Variants in CLCN7 observed in about 807,000 individuals in gnomAD.
The protein encoded by CLCN7 is H(+)/Cl(-) exchange transporter 7.
CLCN7 carries 60 observed loss-of-function variants against 102.1 expected under a neutral mutation model. That is an observed-to-expected ratio of 0.59 (90% CI 0.48 to 0.73). The LOEUF (loss-of-function observed/expected upper bound fraction) is 0.73. CLCN7 is among the 30% of genes least tolerant of loss of function. The pLI, the probability that CLCN7 is intolerant of heterozygous loss-of-function variation, is 0.00. For synonymous variants in CLCN7, 560 were observed against 490.5 expected (o/e 1.14, Z -1.87); for missense variants, 962 against 1,125.7 (o/e 0.85, Z 2.08).
chr16:1,459,136 C>A lies in CLCN7; in HGVS notation c.646G>T (p.Val216Leu). 1 of 1,613,136 alleles carries A rather than the reference C, an allele frequency of 6.2e-7. No individual in the cohort carries two copies. Among genetic ancestry groups the A allele is most frequent in the Non-Finnish European group, 8.5e-7 (1 of 1,179,772 alleles). ...IPQIKCFLNGVKIPHVVRLKT... is the reference protein window; with the variant it reads ...IPQIKCFLNGLKIPHVVRLKT... ...AGCCGCACCACGTGGGGGATCTTCA[C>A]CCCGTTGAGGAAGCACTTGATCTGG... The change falls in exon 7 of 25, where the codon GTG (valine) becomes TTG (leucine). Residue 216 changes from valine to leucine, a missense_variant. Val to Leu is a conservative substitution (Grantham distance 32). Around this residue, in one of 2 missense-constraint regions of CLCN7, gnomAD observed 799 missense variants for 988.0 expected, o/e 0.81. Coordinates refer to ENST00000382745, the MANE Select transcript of CLCN7 (RefSeq NM_001287.6).
At chr16:1,469,896 C>T (rs961421589) in intron 1 of CLCN7, among the ~76,000 whole-genome samples, 7 of 152,236 alleles carry the variant, frequency 4.6e-5, no homozygotes, top group Non-Finnish European at 7.3e-5. Flanking sequence ...GGAATGACCA[C>T]CGACCCGTGC....
At chr16:1,463,146 G>A (rs2038962039) in intron 2 of CLCN7, among the ~76,000 whole-genome samples, 1 of 152,090 alleles carries the variant, frequency 6.6e-6, no homozygotes, top group Non-Finnish European at 1.5e-5. Context: ...GAGAGAGAGA[G>A]AGGGAGGGTA....
Position 1,450,560 on chromosome 16 carries a change from C to T in CLCN7, c.1554G>A (p.Leu518=), listed in dbSNP as rs537692262. Residue 518 remains leucine (L), a synonymous_variant, in exon 17 of 25, where the codon CTG becomes CTA. Transcript: ENST00000382745. ...GCCGGCCCCAGGCAGCCCCGATGAG[C>T]AGGGACGGGATGAAGACCCCGGCAG... ...TVSAGVFIPS[L]LIGAAWGRLF... is the part of the protein sequence containing the mutation. 2 of 1,612,086 alleles carry T rather than the reference C, an allele frequency of 1.2e-6. No individual in the cohort carries two copies. Among genetic ancestry groups the T allele is most frequent in the Admixed American group, 3.3e-5 (2 of 59,908 alleles).
At position 1,474,990 on chromosome 16, in the gene CLCN7, G is replaced by C; in HGVS notation, c.-16C>G. On this transcript the variant is annotated 5_prime_UTR_variant, in exon 1 of 25. Transcript: ENST00000382745. ...CGTTGGCCATGGCCCGCCGCGGAGC[G>C]ACACCGGCCGGGAAGCGCCGGCTGC... 1.4e-6 allele frequency: 2 copies of C among 1,465,556 alleles called. No homozygotes were observed. Among genetic ancestry groups the C allele is most frequent in the Non-Finnish European group, 1.8e-6 (2 of 1,110,194 alleles). 90.8% of individuals were successfully genotyped at this position (1,465,556 alleles called of 1,614,324 possible). A position where few individuals can be genotyped will look rare whatever the true frequency, so the allele number is the denominator to read the frequency against.
In CLCN7 at chr16:1,463,755, G is replaced by A. The variant is rs528902295; in HGVS notation, c.213+1512C>T. 2.0e-5 allele frequency among the ~76,000 whole-genome samples: 3 copies of A among 146,614 alleles called. No individual in the cohort carries two copies. In the East Asian group the frequency reaches 5.9e-4, roughly 29 times the overall value. ...CCCAAAGTGTTGGGATTACAGGTGT[G>A]AACCACCACACCTGCCCAGAAAAAA... On this transcript the variant is annotated intron_variant, in intron 2 of 24. Transcript: ENST00000382745.
chr16:1,448,341 G>A lies in CLCN7; in HGVS notation c.2013+14C>T, dbSNP rs1567264028. 1.2e-6 allele frequency: 2 copies of A among 1,612,506 alleles called. No individual in the cohort carries two copies. The highest frequency in any genetic ancestry group is 1.7e-6 in the Non-Finnish European group (2 of 1,179,914). On this transcript the variant is annotated intron_variant, in intron 21 of 24. Transcript: ENST00000382745. ...GTCACATAGGCAGGACCCTGTCTAT[G>A]GGGTGCCCGGTACCTGGGTGTCATC...
intron 16 of CLCN7, among the ~76,000 whole-genome samples, chr16:1,450,961 T>TAC (rs1195231261): frequency 1.3e-5 from 2 of 152,340 alleles, no homozygotes; most frequent in South Asian, 2.1e-4. Flanking sequence ...GCGCCAGGTC[T>TAC]ACACTCCATG....
chr16:1,461,285 G>A (rs1382012473), intron 4 of CLCN7, 120 bp downstream of exon 4: 2 of 889,202 alleles, frequency 2.2e-6, no homozygotes, highest in South Asian at 1.4e-5. Flanking sequence ...GGCCTCAGAG[G>A]CGGAGTCAGA....
chr16:1,468,379 G>A (rs930511800), intron 1 of CLCN7, among the ~76,000 whole-genome samples: 3 of 152,250 alleles, frequency 2.0e-5, no homozygotes, highest in Non-Finnish European at 2.9e-5. Context: ...ATGGGGCTCC[G>A]GCGCCTTGCC....
intron 11 of CLCN7, 129 bp from the exon 12 acceptor site, chr16:1,455,379 G>A (rs2038819074): frequency 1.3e-6 from 1 of 775,260 alleles, no homozygotes; most frequent in Non-Finnish European, 2.3e-6. Context: ...GCCCAAGGCA[G>A]AAGGGAAGGG....
chr16:1,466,176 G>A (rs2744998), intron 1 of CLCN7, among the ~76,000 whole-genome samples: 58,745 of 152,232 alleles, frequency 0.39, 12,117 homozygotes, highest in Non-Finnish European at 0.45. Flanking sequence ...GAGCCCGTGC[G>A]CCTGTCAGGA....
chr16:1,456,565 G>A (rs557875699), intron 9 of CLCN7, among the ~76,000 whole-genome samples: 6 of 152,314 alleles, frequency 3.9e-5, no homozygotes, highest in Middle Eastern at 3.4e-3. Flanking sequence ...CATGGCCGGC[G>A]CGGTGCCTCA....
chr16:1,468,819 T>A (rs530044698), intron 1 of CLCN7, among the ~76,000 whole-genome samples: 6 of 152,142 alleles, frequency 3.9e-5, no homozygotes, highest in African/African-American at 1.2e-4. Context: ...AAGGTAAACA[T>A]TGGGGGGAAA....
rs372016914 is a variant in CLCN7, at chr16:1,453,820, C to A, written c.1214+14G>T. ...ACGCCTGCCAACGCGATATGCAATG[C>A]GGTTTCTCCTCACCTGATTCGAAAC... On this transcript the variant is annotated intron_variant, in intron 14 of 24. Transcript: ENST00000382745. 1.1e-5 allele frequency: 18 copies of A among 1,612,472 alleles called. No homozygotes were observed. The highest frequency in any genetic ancestry group is 1.7e-5 in the Admixed American group (1 of 60,014).
rs565408284 is a variant in CLCN7, at chr16:1,449,430, C to A, written c.1618-103G>T. The A allele has an allele frequency of 5.0e-5, 56 of 1,116,490 alleles. 1 individual carries two copies. In the African/African-American group the frequency reaches 5.1e-4, roughly 10 times the overall value. The allele number at this position is 1,116,490 out of a possible 1,614,324, so 69.2% of individuals were successfully genotyped here. A position where few individuals can be genotyped will look rare whatever the true frequency, so the allele number is the denominator to read the frequency against. Reference sequence around the variant, plus strand: ...CTGCCCAGGCCCAGCAGCCCCACAGCCAGGAACAAACCTCGTGGCCGCGTA... The same window carrying A: ...CTGCCCAGGCCCAGCAGCCCCACAGACAGGAACAAACCTCGTGGCCGCGTA... On this transcript the variant is annotated intron_variant, in intron 17 of 24. Transcript: ENST00000382745.
intron 14 of CLCN7, among the ~76,000 whole-genome samples, chr16:1,453,608 T>G (rs2038788001): frequency 6.6e-6 from 1 of 152,182 alleles, no homozygotes; most frequent in African/African-American, 2.4e-5. Context: ...GGGGCCGTCC[T>G]CCAGGAGCCC....
chr16:1,447,249 G>A, intron 23 of CLCN7, 143 bp downstream of exon 23: 2 of 1,163,380 alleles, frequency 1.7e-6, no homozygotes, highest in Non-Finnish European at 2.4e-6. Context: ...CAGCTCTAAA[G>A]CCTGCCAGGC....
In CLCN7 at chr16:1,474,874, G is replaced by A. The variant is rs1159780127; in HGVS notation, c.101C>T (p.Thr34Met). ...AGGCCCAGCCCCGTTCAGCAGCGGC[G>A]TCCCCCCGCCGGGCCGCGCCGTCCT... ...LRRTARPGGG[T>M]PLLNGAGPGA... The change falls in exon 1 of 25, where the codon ACG (threonine) becomes ATG (methionine). Residue 34 changes from threonine (T) to methionine (M), a missense_variant. Physicochemically the swap from Thr to Met is moderately conservative, Grantham distance 81. Transcript: ENST00000382745. 2.8e-6 allele frequency: 4 copies of A among 1,443,898 alleles called. No individual in the cohort carries two copies. Among genetic ancestry groups the A allele is most frequent in the Non-Finnish European group, 3.6e-6 (4 of 1,100,584 alleles). 89.4% of individuals were successfully genotyped at this position (1,443,898 alleles called of 1,614,324 possible).
chr16:1,446,826 C>G, intron 24 of CLCN7, 109 bp from the exon 25 acceptor site: 1 of 1,173,484 alleles, frequency 8.5e-7, no homozygotes, highest in Non-Finnish European at 1.2e-6. Flanking sequence ...GCCCTGGGGG[C>G]TTCAGCACAG....
Sources: gnomAD v4.1 joint callset for allele counts (sites outside exome capture counted in the v4.1 genomes callset) on GRCh38, gnomAD v4.1.1 for gene constraint, gnomAD v4.1.1 regional missense constraint, MANE v1.5 for transcripts, NCBI Gene and HGNC (gene_info 2026-07-23, HGNC 2026-07-21) for gene names.